The following LATS1 variants were observed in gnomAD, a reference collection of about 807,000 sequenced individuals.
LATS1 encodes large tumor suppressor kinase 1.
Under a neutral mutation model 106.6 loss-of-function variants are expected in LATS1, and 25 were observed. That is an observed-to-expected ratio of 0.23 (90% CI 0.17 to 0.33). LATS1 has a LOEUF of 0.33. LATS1 is among the 10% of genes least tolerant of loss of function. LATS1 has a pLI of 1.00. For synonymous variants in LATS1, 465 were observed against 455.6 expected (o/e 1.02, Z -0.26); for missense variants, 1,040 against 1,382.6 (o/e 0.75, Z 3.93).
At position 149,661,769 on chromosome 6, in the gene LATS1, G is replaced by T; in HGVS notation, c.3353C>A (p.Thr1118Lys). The change falls in exon 8 of 8, where the codon ACA (threonine) becomes AAA (lysine). Residue 1118 changes from threonine to lysine, a missense_variant. This residue lies in a region of LATS1 where 46 missense variants were observed against 42.4 expected (regional missense o/e 1.09). Transcript: ENST00000543571. ...ATCGCGATTTTTAATCTCTGAGCCT[G>T]TGTTTTGATCATCTTCATCCGACTG... ...EQQSDEDDQN[T>K]GSEIKNRDLV... 6.3e-7 allele frequency: 1 copy of T among 1,589,040 alleles called. No individual in the cohort carries two copies. Among genetic ancestry groups the T allele is most frequent in the Non-Finnish European group, 8.6e-7 (1 of 1,169,588 alleles).
chr6:149,710,713 T>C (rs1160687533), intron 1 of LATS1, among the ~76,000 whole-genome samples: 1 of 152,206 alleles, frequency 6.6e-6, no homozygotes, highest in Admixed American at 6.5e-5. Context: ...CGCTGTTGCC[T>C]ATAATAACTT....
chr6:149,679,549 C>CAAA (rs57395928), intron 5 of LATS1, among the ~76,000 whole-genome samples: 4 of 66,184 alleles, frequency 6.0e-5, no homozygotes, highest in African/African-American at 1.3e-4. Context: ...GAGACTCCAT[C>CAAA]AAAAAAAAAA....
At chr6:149,670,171 C>CAAAAAAAAAAAAAAAAAAAAAAGAAAAAA (rs1781367069) in intron 7 of LATS1, among the ~76,000 whole-genome samples, 1 of 31,652 alleles carries the variant, frequency 3.2e-5, no homozygotes, top group Non-Finnish European at 7.3e-5. Context: ...AATTGCATCT[C>CAAAAAAAAAAAAAAAAAAAAAAGAAAAAA]AAAAAAAAAA....
In LATS1 at chr6:149,661,820, T is replaced by C. The variant is rs757429116; in HGVS notation, c.3302A>G (p.Tyr1101Cys). 3 of 1,613,116 alleles carry C rather than the reference T, an allele frequency of 1.9e-6. No individual in the cohort carries two copies. Among genetic ancestry groups the C allele is most frequent in the Non-Finnish European group, 2.5e-6 (3 of 1,179,658 alleles). ...YNYPKPIEYE[Y>C]INSQGSEQQS... ...CTGCTCTGAGCCTTGTGAATTAATG[T>C]ATTCATATTCAATAGGCTTCGGATA... Residue 1101 changes from tyrosine (Y) to cysteine (C), a missense_variant, in exon 8 of 8, where the codon TAC becomes TGC. This residue lies in a region of LATS1 where 46 missense variants were observed against 42.4 expected (regional missense o/e 1.09). Coordinates refer to ENST00000543571, the MANE Select transcript of LATS1 (RefSeq NM_004690.4).
chr6:149,666,812 G>T (rs1227589484), intron 7 of LATS1, among the ~76,000 whole-genome samples: 2 of 151,352 alleles, frequency 1.3e-5, no homozygotes, highest in East Asian at 1.9e-4. Context: ...CGTGGTGGTG[G>T]GCGCCTGTAG....
chr6:149,678,983 A>C lies in LATS1; in HGVS notation c.2593+892T>G, dbSNP rs889850501. ...ATAAATGTTACAAGCAATAACATGGAGGAACCTCAAACAAGTCAACACAAA... is the reference window on the plus strand; with the variant it reads ...ATAAATGTTACAAGCAATAACATGGCGGAACCTCAAACAAGTCAACACAAA... On this transcript the variant is annotated intron_variant, in intron 5 of 7. Transcript: ENST00000543571. Among the ~76,000 whole-genome samples the C allele has an allele frequency of 2.6e-5, 4 of 152,340 alleles. No homozygotes were observed. In the East Asian group the frequency reaches 7.7e-4, roughly 29 times the overall value.
At chr6:149,709,447 T>C (rs1356198330) in intron 1 of LATS1, among the ~76,000 whole-genome samples, 2 of 152,208 alleles carry the variant, frequency 1.3e-5, no homozygotes, top group African/African-American at 2.4e-5. Flanking sequence ...ATCTACATTC[T>C]GAAGTTAATT....
Position 149,672,136 on chromosome 6 carries a change from G to A in LATS1, c.2883+4124C>T, listed in dbSNP as rs187213267. On this transcript the variant is annotated intron_variant, in intron 7 of 7. Coordinates refer to ENST00000543571, the MANE Select transcript of LATS1 (RefSeq NM_004690.4). ...TCAAACTCCTGACCTCAAGTGATCC[G>A]CCCACCTGACCTCCCAAAGTGCTGG... Among the ~76,000 whole-genome samples, 74 of 151,254 alleles carry A rather than the reference G, an allele frequency of 4.9e-4. No homozygotes were observed. The East Asian group carries it at 0.013, about 26-fold the overall frequency.
Position 149,682,126 on chromosome 6 carries a change from T to A in LATS1, c.2010+953A>T, listed in dbSNP as rs1207587589. ...ATGTCGTCTCAAAAAAAAAAAAAAA[T>A]GATGATCGTACTACCTTAATATCTA... On this transcript the variant is annotated intron_variant, in intron 4 of 7. Coordinates refer to ENST00000543571, the MANE Select transcript of LATS1 (RefSeq NM_004690.4). 2.0e-4 allele frequency among the ~76,000 whole-genome samples: 27 copies of A among 132,502 alleles called. No homozygotes were observed. The South Asian group carries it at 3.1e-3, about 15-fold the overall frequency. 86.9% of individuals were successfully genotyped at this position (132,502 alleles called of 152,430 possible). A position where few individuals can be genotyped will look rare whatever the true frequency, so the allele number is the denominator to read the frequency against.
intron 1 of LATS1, among the ~76,000 whole-genome samples, chr6:149,704,493 G>GT (rs11408785): frequency 0.36 from 49,890 of 139,770 alleles, 10,033 homozygotes; most frequent in East Asian, 0.81. Flanking sequence ...TTTTTTTTTT[G>GT]TTTTTTTTTT....
At position 149,690,290 on chromosome 6, in the gene LATS1, C is replaced by T. The variant is rs1290842247; in HGVS notation, c.496+4784G>A. On this transcript the variant is annotated intron_variant, in intron 3 of 7. Coordinates refer to ENST00000543571, the MANE Select transcript of LATS1 (RefSeq NM_004690.4). Reference sequence around the variant, plus strand: ...GTGCAATGGCGCGATCTCGGCTCACCGCAATCTCTGCCTCCCAGGTTCAAG... The same window carrying T: ...GTGCAATGGCGCGATCTCGGCTCACTGCAATCTCTGCCTCCCAGGTTCAAG... 6.7e-5 allele frequency among the ~76,000 whole-genome samples: 10 copies of T among 148,432 alleles called. No individual in the cohort carries two copies. The East Asian group carries it at 7.9e-4, about 12-fold the overall frequency.
chr6:149,689,835 C>T (rs1338692662), intron 3 of LATS1, among the ~76,000 whole-genome samples: 1 of 152,146 alleles, frequency 6.6e-6, no homozygotes, highest in Non-Finnish European at 1.5e-5. Flanking sequence ...AATAGTCCCT[C>T]ATGCTATGCT....
chr6:149,693,918 C>T (rs973110255), intron 3 of LATS1, among the ~76,000 whole-genome samples: 25 of 151,826 alleles, frequency 1.6e-4, no homozygotes, highest in African/African-American at 2.4e-4. Context: ...GGTGAAACCC[C>T]GTCTCTACTA....
At chr6:149,664,642 C>T (rs561084004) in intron 7 of LATS1, among the ~76,000 whole-genome samples, 4 of 152,192 alleles carry the variant, frequency 2.6e-5, no homozygotes, top group Admixed American at 2.0e-4. Flanking sequence ...ACTTCAAGAT[C>T]CTGAAAAGTA....
Position 149,695,130 on chromosome 6 carries a change from C to G in LATS1, c.440G>C (p.Arg147Pro), listed in dbSNP as rs771498477. 6.2e-7 allele frequency: 1 copy of G among 1,613,198 alleles called. No individual in the cohort carries two copies. Among genetic ancestry groups the G allele is most frequent in the Admixed American group, 1.7e-5 (1 of 59,870 alleles). ...AGCTGCTGCAGCCATCTGCTCTCGT[C>G]GAGGATCTTGGTAACTCATTTTACT... The part of the protein sequence containing the change: ...FISKMSYQDP[R>P]REQMAAAAAR... Residue 147 changes from arginine to proline, a missense_variant, in exon 3 of 8, where the codon CGA becomes CCA. Physicochemically the swap from Arg to Pro is moderately radical, Grantham distance 103. Coordinates refer to ENST00000543571, the MANE Select transcript of LATS1 (RefSeq NM_004690.4).
At chr6:149,704,768 C>A (rs1783656278) in intron 1 of LATS1, among the ~76,000 whole-genome samples, 1 of 152,016 alleles carries the variant, frequency 6.6e-6, no homozygotes, top group Non-Finnish European at 1.5e-5. Context: ...GGATTATAGG[C>A]ATGAGCCACC....
chr6:149,678,293 G>A (rs1265376786), intron 5 of LATS1, among the ~76,000 whole-genome samples: 3 of 151,186 alleles, frequency 2.0e-5, no homozygotes, highest in East Asian at 2.0e-4. Context: ...GCAGTGAGCC[G>A]AGATTGCGCC....
At chr6:149,706,183 CAAAAAAAAAAAAAAAAAAAAAA>C (rs60729757) in intron 1 of LATS1, among the ~76,000 whole-genome samples, 45 of 25,298 alleles carry the variant, frequency 1.8e-3, no homozygotes, top group South Asian at 0.015. Flanking sequence ...AACCCGGTCG[CAAAAAAAAAAAAAAAAAAAAAA>C]AAAAAAAAAA....
At chr6:149,693,427 T>C (rs548122306) in intron 3 of LATS1, among the ~76,000 whole-genome samples, 3 of 151,840 alleles carry the variant, frequency 2.0e-5, no homozygotes, top group Admixed American at 2.0e-4. Flanking sequence ...ATGGCCAAGA[T>C]GGTGAAACCC....
Sources: allele counts gnomAD v4.1 joint callset (sites outside exome capture counted in the v4.1 genomes callset), GRCh38; gene constraint gnomAD v4.1.1; regional missense constraint gnomAD v4.1.1; transcripts MANE v1.5; gene names NCBI Gene and HGNC (gene_info 2026-07-23, HGNC 2026-07-21).